NLGN4X: variants seen among roughly 807,000 people sequenced by gnomAD.
The protein encoded by NLGN4X is neuroligin 4 X-linked, also known as neuroligin-4, X-linked.
In NLGN4X, 3 loss-of-function variants were observed where a neutral mutation model predicts 40.3. The observed-to-expected ratio is 0.07, with a 90% confidence interval of 0.03 to 0.19. The LOEUF (loss-of-function observed/expected upper bound fraction) is 0.19. Among genes scored for constraint, NLGN4X ranks in the 10% least tolerant of loss-of-function variants. NLGN4X has a pLI of 1.00. For missense variants in NLGN4X, 382 were observed against 708.3 expected (o/e 0.54, Z 5.23); for synonymous variants, 270 against 306.8 (o/e 0.88, Z 1.25).
At chrX:6,185,656 C>A (rs779812550) in intron 1 of NLGN4X, among the ~76,000 whole-genome samples, 2 of 112,165 alleles carry the variant, frequency 1.8e-5, no homozygotes, top group African/African-American at 3.2e-5. Context: ...TTCAGTGAAG[C>A]GGAATAAAAA....
At chrX:5,922,924 G>A (rs1438691123) in intron 3 of NLGN4X, among the ~76,000 whole-genome samples, 1 of 111,183 alleles carries the variant, frequency 9.0e-6, no homozygotes, top group Non-Finnish European at 1.9e-5. Flanking sequence ...ACCATATGAA[G>A]ATATCTATGT....
chrX:6,094,028 TAGAC>T (rs748676733), intron 2 of NLGN4X, among the ~76,000 whole-genome samples: 1 of 112,000 alleles, frequency 8.9e-6, no homozygotes, highest in Non-Finnish European at 1.9e-5. Context: ...GATGATTTGA[TAGAC>T]AATTACATAA....
intron 3 of NLGN4X, among the ~76,000 whole-genome samples, chrX:6,004,616 G>A (rs2036056311): frequency 8.9e-6 from 1 of 111,736 alleles, no homozygotes; most frequent in Non-Finnish European, 1.9e-5. Context: ...AATGAACAAA[G>A]GCATGCTTTT....
chrX:6,114,364 T>C (rs914578377), intron 2 of NLGN4X, among the ~76,000 whole-genome samples: 4 of 111,560 alleles, frequency 3.6e-5, no homozygotes, highest in African/African-American at 6.5e-5. Flanking sequence ...TAATATAAGA[T>C]AAAAGTCATA....
chrX:6,035,117 T>C (rs2147239550), intron 2 of NLGN4X, among the ~76,000 whole-genome samples: 1 of 112,271 alleles, frequency 8.9e-6, no homozygotes, highest in East Asian at 2.8e-4. Flanking sequence ...TTTTGCCCAT[T>C]AAAAAATAAT....
chrX:6,150,881 TA>T, intron 2 of NLGN4X, 113 bp downstream of exon 2: 1 of 627,847 alleles, frequency 1.6e-6, no homozygotes, highest in Non-Finnish European at 2.5e-6. Flanking sequence ...TAAATTAAAA[TA>T]AAATAAACGG....
At chrX:6,216,289 C>T (rs1569303601) in intron 1 of NLGN4X, among the ~76,000 whole-genome samples, 1 of 112,110 alleles carries the variant, frequency 8.9e-6, no homozygotes, top group Non-Finnish European at 1.9e-5. Context: ...TCCATTCTGA[C>T]CTGCTGTGGC....
intron 1 of NLGN4X, among the ~76,000 whole-genome samples, chrX:6,219,092 T>C (rs1374046990): frequency 5.6e-5 from 3 of 53,917 alleles, no homozygotes; most frequent in African/African-American, 2.3e-4. Context: ...CTTGTTCTTT[T>C]GTATGAAAAG....
At chrX:6,124,583 G>C (rs895656448) in intron 2 of NLGN4X, among the ~76,000 whole-genome samples, 1 of 111,545 alleles carries the variant, frequency 9.0e-6, no homozygotes, top group Non-Finnish European at 1.9e-5. Context: ...TTGGAAGGCT[G>C]AGGCAGGAGA....
intron 1 of NLGN4X, among the ~76,000 whole-genome samples, chrX:6,170,446 T>C (rs1371755696): frequency 8.9e-6 from 1 of 112,397 alleles, no homozygotes; most frequent in Non-Finnish European, 1.9e-5. Flanking sequence ...CTCCAGGTGA[T>C]TCCAATGGGC....
At chrX:6,223,487 G>C (rs1602453744) in intron 1 of NLGN4X, among the ~76,000 whole-genome samples, 1 of 112,338 alleles carries the variant, frequency 8.9e-6, no homozygotes, top group Non-Finnish European at 1.9e-5. Flanking sequence ...GCCTATAAAT[G>C]GCACAATGAC....
chrX:5,978,622 A>C (rs918488090), intron 3 of NLGN4X, among the ~76,000 whole-genome samples: 10 of 112,126 alleles, frequency 8.9e-5, no homozygotes, highest in Non-Finnish European at 1.1e-4. Context: ...TTAAAGGGAA[A>C]AATGAGCATA....
chrX:6,140,322 G>C (rs141395282), intron 2 of NLGN4X, among the ~76,000 whole-genome samples: 2 of 110,846 alleles, frequency 1.8e-5, no homozygotes, highest in African/African-American at 6.6e-5. Context: ...GGGATGTTTG[G>C]GGTTTCAGAG....
intron 2 of NLGN4X, among the ~76,000 whole-genome samples, chrX:6,064,387 C>T (rs144531302): frequency 5.2e-4 from 58 of 111,921 alleles, no homozygotes; most frequent in African/African-American, 1.8e-3. Context: ...CAAACTCTGC[C>T]GGTCCTCATA....
At chrX:5,897,010 C>T (rs762830935) in intron 5 of NLGN4X, among the ~76,000 whole-genome samples, 2 of 111,304 alleles carry the variant, frequency 1.8e-5, no homozygotes, top group South Asian at 7.7e-4. Context: ...CATAGGATAC[C>T]AGCACATTCA....
At chrX:6,193,217 C>G (rs1433980891) in intron 1 of NLGN4X, among the ~76,000 whole-genome samples, 1 of 110,262 alleles carries the variant, frequency 9.1e-6, no homozygotes, top group Non-Finnish European at 1.9e-5. Flanking sequence ...GTCAGGAGAT[C>G]GAGACCACGG....
intron 2 of NLGN4X, among the ~76,000 whole-genome samples, chrX:6,084,543 A>G (rs1440695764): frequency 1.8e-5 from 2 of 111,726 alleles, no homozygotes; most frequent in Admixed American, 1.9e-4. Flanking sequence ...AAAAAAGGTC[A>G]AAAAACCTTA....
chrX:6,185,931 T>A lies in NLGN4X; in HGVS notation c.-305-34160A>T, dbSNP rs1353275959. 2.7e-5 allele frequency among the ~76,000 whole-genome samples: 3 copies of A among 111,862 alleles called. No individual in the cohort carries two copies. The East Asian group carries it at 8.5e-4, about 32-fold the overall frequency. On this transcript the variant is annotated intron_variant, in intron 1 of 5. Coordinates refer to ENST00000381095, the MANE Select transcript of NLGN4X (RefSeq NM_181332.3). The stretch of plus-strand genomic sequence containing the variant: ...CCCTGGTGCACATAAATTTTACAGG[T>A]AAAATTCAAGGGTGTTCCCAGGCCC...
chrX:6,051,208 T>C (rs1334791807), intron 2 of NLGN4X, among the ~76,000 whole-genome samples: 2 of 112,039 alleles, frequency 1.8e-5, no homozygotes, highest in Non-Finnish European at 3.8e-5. Flanking sequence ...TTGTCTCCTA[T>C]GTATTAATGT....
Sources: gnomAD v4.1 joint callset for allele counts (sites outside exome capture counted in the v4.1 genomes callset) on GRCh38, gnomAD v4.1.1 for gene constraint, MANE v1.5 for transcripts, NCBI Gene and HGNC (gene_info 2026-07-23, HGNC 2026-07-21) for gene names.